BICRAL: variants seen among roughly 807,000 people sequenced by gnomAD.
BICRAL encodes the protein BRD4-interacting chromatin-remodeling complex-associated protein-like.
A neutral mutation model predicts 91.8 loss-of-function variants in BICRAL; 8 were observed. The observed-to-expected ratio is 0.09, with a 90% CI of 0.05 to 0.16. The LOEUF is 0.16. Among genes scored for constraint, BICRAL ranks in the 10% least tolerant of loss-of-function variants. The pLI is 1.00. For missense variants in BICRAL, 1,038 were observed against 1,310.9 expected (o/e 0.79, Z 3.21); for synonymous variants, 445 against 491.1 (o/e 0.91, Z 1.24).
chr6:42,836,356 A>G (rs1307913432), intron 6 of BICRAL, among the ~76,000 whole-genome samples: 1 of 152,206 alleles, frequency 6.6e-6, no homozygotes, highest in South Asian at 2.1e-4. Flanking sequence ...TTCAAAGGTA[A>G]AAAGAAGCCT....
chr6:42,806,014 CGAAG>C (rs1763696075), intron 1 of BICRAL, among the ~76,000 whole-genome samples: 1 of 149,718 alleles, frequency 6.7e-6, no homozygotes, highest in Non-Finnish European at 1.5e-5. Context: ...AAAAAAAAAA[CGAAG>C]GAAGAAGTAG....
At chr6:42,812,447 G>C (rs1166467828) in intron 2 of BICRAL, among the ~76,000 whole-genome samples, 1 of 152,012 alleles carries the variant, frequency 6.6e-6, no homozygotes, top group Non-Finnish European at 1.5e-5. Flanking sequence ...ATTTGTTTAA[G>C]TTGTTACTAT....
chr6:42,756,187 T>C (rs1762456115), intron 1 of BICRAL, among the ~76,000 whole-genome samples: 1 of 152,222 alleles, frequency 6.6e-6, no homozygotes, highest in African/African-American at 2.4e-5. Flanking sequence ...TAGCCACTTA[T>C]CCGACTTCTG....
At chr6:42,862,453 A>T in intron 11 of BICRAL, 57 bp from the exon 12 acceptor site, 1 of 1,174,442 alleles carries the variant, frequency 8.5e-7, no homozygotes, top group Non-Finnish European at 1.3e-6. Flanking sequence ...TATTTTTTCC[A>T]AAAGCAACCA....
chr6:42,783,113 C>T (rs1762975556), intron 1 of BICRAL, among the ~76,000 whole-genome samples: 1 of 150,966 alleles, frequency 6.6e-6, no homozygotes, highest in Non-Finnish European at 1.5e-5. Flanking sequence ...GAGCTCGGGG[C>T]AGGCGAGTCG....
At chr6:42,760,037 G>T (rs1387850184) in intron 1 of BICRAL, among the ~76,000 whole-genome samples, 1 of 152,134 alleles carries the variant, frequency 6.6e-6, no homozygotes, top group Non-Finnish European at 1.5e-5. Context: ...CTGAGGTCAG[G>T]AGTTCGAGAC....
At chr6:42,746,907 G>A (rs1762285326), upstream of BICRAL, 1 of 148,220 alleles carries the variant, frequency 6.7e-6, no homozygotes, top group African/African-American at 2.5e-5. Context: ...TGCTGCAGTC[G>A]GAGGGGTGGG....
At chr6:42,857,292 C>T (rs1765395963) in intron 10 of BICRAL, 56 bp downstream of exon 10, 2 of 1,469,688 alleles carry the variant, frequency 1.4e-6, no homozygotes, top group Admixed American at 2.0e-5. Flanking sequence ...CCTCCATGGA[C>T]ACCCCCCAGA....
rs1227560862 is a variant in BICRAL, at chr6:42,845,225, T to G, written c.1840-6867T>G. 5.1e-4 allele frequency among the ~76,000 whole-genome samples: 44 copies of G among 85,628 alleles called. 3 individuals are homozygous for G. Among genetic ancestry groups the G allele is most frequent in the Admixed American group, 1.2e-3 (10 of 8,108 alleles). 56.2% of individuals were successfully genotyped at this position (85,628 alleles called of 152,430 possible). Reference sequence around the variant, plus strand: ...TTTTTTTTTTTTTTTTTTTTTTTTTTTTTTTTTTTTTTTTTTTTTTTTTAG... The same window carrying G: ...TTTTTTTTTTTTTTTTTTTTTTTTTGTTTTTTTTTTTTTTTTTTTTTTTAG... On this transcript the variant is annotated intron_variant, in intron 6 of 12. Transcript: ENST00000314073.
In BICRAL at chr6:42,867,308, T is replaced by G. The variant is rs1765740813; in HGVS notation, c.*1862T>G. ...GCAACGTACCTTCACCCCAGCCACATGCCCCAGCCAATACAAATTGGAAAA... is the reference window on the plus strand; with the variant it reads ...GCAACGTACCTTCACCCCAGCCACAGGCCCCAGCCAATACAAATTGGAAAA... On this transcript the variant is annotated 3_prime_UTR_variant, in exon 13 of 13. Transcript: ENST00000314073. 6.5e-6 allele frequency: 1 copy of G among 153,816 alleles called. No individual in the cohort carries two copies. Among genetic ancestry groups the G allele is most frequent in the South Asian group, 2.0e-4 (1 of 4,926 alleles). 9.5% of individuals were successfully genotyped at this position (153,816 alleles called of 1,614,324 possible).
At chr6:42,845,234 T>G (rs1180491008) in intron 6 of BICRAL, among the ~76,000 whole-genome samples, 5 of 92,212 alleles carry the variant, frequency 5.4e-5, no homozygotes, top group Non-Finnish European at 1.0e-4. Flanking sequence ...TTTTTTTTTT[T>G]TTTTTTTTTT....
intron 1 of BICRAL, among the ~76,000 whole-genome samples, chr6:42,765,846 A>G (rs1022558551): frequency 3.3e-5 from 5 of 152,160 alleles, no homozygotes; most frequent in African/African-American, 7.2e-5. Flanking sequence ...GAGGCAATAT[A>G]TAATGATTGA....
chr6:42,786,428 C>G (rs547081860), intron 1 of BICRAL, among the ~76,000 whole-genome samples: 1 of 152,046 alleles, frequency 6.6e-6, no homozygotes, highest in African/African-American at 2.4e-5. Flanking sequence ...TGGTAAATGC[C>G]AAAGTAATTA....
chr6:42,776,713 T>C (rs533673739), intron 1 of BICRAL, among the ~76,000 whole-genome samples: 3 of 152,286 alleles, frequency 2.0e-5, no homozygotes, highest in Non-Finnish European at 4.4e-5. Context: ...ATATAGGTTA[T>C]TACTATCTCC....
chr6:42,822,758 G>A lies in BICRAL; in HGVS notation c.42-38G>A, dbSNP rs759530683. The A allele has an allele frequency of 5.0e-6, 6 of 1,193,122 alleles. No individual in the cohort carries two copies. The East Asian group carries it at 1.4e-4, about 28-fold the overall frequency. The allele number at this position is 1,193,122 out of a possible 1,614,324, so 73.9% of individuals were successfully genotyped here. ...AGTTCTAAATATAGATAGTATATTT[G>A]TTTGTTGTTTTATCTCTTTTTTTCC... On this transcript the variant is annotated intron_variant, in intron 3 of 12. Coordinates refer to ENST00000314073, the MANE Select transcript of BICRAL (RefSeq NM_001393499.1).
chr6:42,768,300 A>C (rs1436168234), intron 1 of BICRAL, among the ~76,000 whole-genome samples: 1 of 152,234 alleles, frequency 6.6e-6, no homozygotes, highest in Non-Finnish European at 1.5e-5. Flanking sequence ...ATTAATAATC[A>C]AAAGATTACT....
At chr6:42,858,037 C>G (rs1395020551) in intron 10 of BICRAL, among the ~76,000 whole-genome samples, 1 of 149,280 alleles carries the variant, frequency 6.7e-6, no homozygotes, top group Non-Finnish European at 1.5e-5. Flanking sequence ...TCTTGAACTC[C>G]TGACCTCAGG....
At chr6:42,828,400 CAAAAAA>C in intron 5 of BICRAL, 87 bp from the exon 6 acceptor site, 1 of 904,440 alleles carries the variant, frequency 1.1e-6, no homozygotes. Flanking sequence ...GACTCCATCT[CAAAAAA>C]AAAAAAAAAA....
At chr6:42,847,917 C>T (rs1765067234) in intron 6 of BICRAL, among the ~76,000 whole-genome samples, 1 of 152,078 alleles carries the variant, frequency 6.6e-6, no homozygotes, top group African/African-American at 2.4e-5. Context: ...ATCATGAGGT[C>T]AGGAAATCGA....
Sources: gnomAD v4.1 joint callset for allele counts (sites outside exome capture counted in the v4.1 genomes callset) on GRCh38, gnomAD v4.1.1 for gene constraint, MANE v1.5 for transcripts, NCBI Gene and HGNC (gene_info 2026-07-23, HGNC 2026-07-21) for gene names.